Variants in CUX2 observed in about 807,000 individuals in gnomAD.
CUX2 encodes cut like homeobox 2.
A neutral mutation model predicts 144.8 loss-of-function variants in CUX2; 40 were observed. The observed-to-expected ratio is 0.28, with a 90% CI of 0.21 to 0.36. The LOEUF is 0.36. CUX2 is among the 10% of genes least tolerant of loss of function. CUX2 has a pLI of 1.00. For synonymous variants in CUX2, 827 were observed against 875.6 expected (o/e 0.94, Z 0.98); for missense variants, 1,615 against 1,994.0 (o/e 0.81, Z 3.62).
chr12:111,208,206 C>A (rs1020290517), intron 1 of CUX2, among the ~76,000 whole-genome samples: 5 of 151,930 alleles, frequency 3.3e-5, no homozygotes, highest in Admixed American at 1.3e-4. Context: ...CAGCTCCCAA[C>A]AATCACTTTT....
At chr12:111,044,597 C>A (rs1472971410) in intron 1 of CUX2, among the ~76,000 whole-genome samples, 1 of 152,258 alleles carries the variant, frequency 6.6e-6, no homozygotes, top group Non-Finnish European at 1.5e-5. Flanking sequence ...CAGCTCCCCT[C>A]TCCTCACTCT....
chr12:111,129,338 A>G (rs1468634608), intron 1 of CUX2, among the ~76,000 whole-genome samples: 1 of 152,266 alleles, frequency 6.6e-6, no homozygotes, highest in Admixed American at 6.5e-5. Context: ...ACGTAGAGCC[A>G]GAGAGTGCTG....
intron 1 of CUX2, chr12:111,099,534 C>T (rs1352882060): frequency 4.4e-6 from 2 of 456,586 alleles, no homozygotes; most frequent in Admixed American, 4.7e-5. Flanking sequence ...GTGGGGGTGG[C>T]CCCCTATTTG....
chr12:111,124,677 G>T (rs1445214161), intron 1 of CUX2, among the ~76,000 whole-genome samples: 1 of 152,082 alleles, frequency 6.6e-6, no homozygotes, highest in African/African-American at 2.4e-5. Flanking sequence ...GGGGGTACAT[G>T]TGCAGGTTTG....
At chr12:111,183,439 G>A (rs1879318805) in intron 1 of CUX2, among the ~76,000 whole-genome samples, 2 of 152,260 alleles carry the variant, frequency 1.3e-5, no homozygotes, top group African/African-American at 4.8e-5. Flanking sequence ...AAATCTCAGG[G>A]TCTGAGGGGT....
intron 3 of CUX2, among the ~76,000 whole-genome samples, chr12:111,259,806 A>AT (rs1278850082): frequency 1.3e-5 from 2 of 151,894 alleles, no homozygotes; most frequent in Non-Finnish European, 2.9e-5. Context: ...AAAAAAAAAA[A>AT]AAAAAGAAAT....
At chr12:111,256,908 A>G (rs1353466105) in intron 3 of CUX2, among the ~76,000 whole-genome samples, 1 of 152,114 alleles carries the variant, frequency 6.6e-6, no homozygotes, top group Non-Finnish European at 1.5e-5. Context: ...TGGCTCCCAG[A>G]TGTCCCTGCG....
In CUX2 at chr12:111,179,321, C is replaced by T. The variant is rs944575850; in HGVS notation, c.64-34879C>T. Among the ~76,000 whole-genome samples, 61 of 152,166 alleles carry T rather than the reference C, an allele frequency of 4.0e-4. 1 individual carries two copies. Among genetic ancestry groups the T allele is most frequent in the Non-Finnish European group, 5.6e-4 (38 of 68,050 alleles). On this transcript the variant is annotated intron_variant, in intron 1 of 21. Transcript: ENST00000261726. Reference sequence around the variant, plus strand: ...GTAAGATGGGCATAATACCAACACCCGCCGTGGAGGAGTATTACAAAGATA... The same window carrying T: ...GTAAGATGGGCATAATACCAACACCTGCCGTGGAGGAGTATTACAAAGATA...
intron 14 of CUX2, among the ~76,000 whole-genome samples, chr12:111,309,680 C>A (rs537718982): frequency 1.7e-4 from 25 of 151,110 alleles, no homozygotes; most frequent in African/African-American, 5.4e-4. Context: ...TCTCTTCCCC[C>A]CCGACCCTCT....
intron 1 of CUX2, among the ~76,000 whole-genome samples, chr12:111,141,293 A>G (rs920867297): frequency 2.0e-5 from 3 of 151,822 alleles, no homozygotes; most frequent in African/African-American, 7.3e-5. Context: ...TTTGCTCTTC[A>G]AAGGAGACAA....
intron 3 of CUX2, among the ~76,000 whole-genome samples, chr12:111,251,386 C>A (rs2136275363): frequency 6.6e-6 from 1 of 152,252 alleles, no homozygotes; most frequent in African/African-American, 2.4e-5. Context: ...ATATTAGTTG[C>A]CACCGAGCGG....
chr12:111,077,425 C>G lies in CUX2; in HGVS notation c.63+43185C>G, dbSNP rs541489544. 6.6e-6 allele frequency among the ~76,000 whole-genome samples: 1 copy of G among 152,188 alleles called. No homozygotes were observed. The highest frequency in any genetic ancestry group is 2.4e-5 in the African/African-American group (1 of 41,446). ...CCTGAACCCCCTGGACTTCTGCCCCCCTGGACTGATGGCCTAAATCCATCA... is the reference window on the plus strand; with the variant it reads ...CCTGAACCCCCTGGACTTCTGCCCCGCTGGACTGATGGCCTAAATCCATCA... On this transcript the variant is annotated intron_variant, in intron 1 of 21. Coordinates refer to ENST00000261726, the MANE Select transcript of CUX2 (RefSeq NM_015267.4). This position sits in a 1 kb window ranked among gnomAD's most constrained non-coding sequence, Gnocchi z 4.1.
chr12:111,314,780 G>A lies in CUX2; in HGVS notation c.2002+2579G>A, dbSNP rs928922375. Among the ~76,000 whole-genome samples the A allele has an allele frequency of 6.6e-5, 10 of 151,872 alleles. 1 individual carries two copies. The highest frequency in any genetic ancestry group is 2.4e-5 in the African/African-American group (1 of 41,350). On this transcript the variant is annotated intron_variant, in intron 16 of 21. Transcript: ENST00000261726. ...GATCACCTGAGCCCAGGAGGCAGAG[G>A]TTGTAGTGAGCCGAGATCTCATCAC... is the stretch of plus-strand genomic sequence containing the variant.
chr12:111,048,908 G>A (rs1870126762), intron 1 of CUX2, among the ~76,000 whole-genome samples: 1 of 152,106 alleles, frequency 6.6e-6, no homozygotes, highest in Non-Finnish European at 1.5e-5. Flanking sequence ...ATGAGCACCT[G>A]TGGACTGGAA....
intron 1 of CUX2, among the ~76,000 whole-genome samples, chr12:111,183,705 G>C (rs890764066): frequency 6.6e-5 from 10 of 152,186 alleles, no homozygotes; most frequent in Non-Finnish European, 1.5e-4. Flanking sequence ...TCCCTGTCCA[G>C]GTGACTGTGA....
chr12:111,213,746 T>C (rs570077710), intron 1 of CUX2, among the ~76,000 whole-genome samples: 9 of 152,332 alleles, frequency 5.9e-5, no homozygotes, highest in Non-Finnish European at 1.3e-4. Flanking sequence ...TTCCCACCTC[T>C]GATATATGAA....
At position 111,072,889 on chromosome 12, in the gene CUX2, A is replaced by G. The variant is rs575884042; in HGVS notation, c.63+38649A>G. On this transcript the variant is annotated intron_variant, in intron 1 of 21. Transcript: ENST00000261726. ...GCAAATTTTTGATGAATGAAGAAAC[A>G]CATTTGCTGTTATCCTACTCATTCT... is the stretch of plus-strand genomic sequence containing the variant. 3.8e-4 allele frequency among the ~76,000 whole-genome samples: 58 copies of G among 152,360 alleles called. No individual in the cohort carries two copies. The South Asian group carries it at 3.9e-3, about 10-fold the overall frequency.
intron 4 of CUX2, among the ~76,000 whole-genome samples, chr12:111,274,737 C>T (rs1884780497): frequency 6.6e-6 from 1 of 152,212 alleles, no homozygotes; most frequent in Non-Finnish European, 1.5e-5. Flanking sequence ...CCCGCAGGCG[C>T]CCGGAGCCTG....
At position 111,337,385 on chromosome 12, in the gene CUX2, A is replaced by G. The variant is rs530777233; in HGVS notation, c.3197-901A>G. 1.0e-3 allele frequency among the ~76,000 whole-genome samples: 152 copies of G among 151,370 alleles called. 1 individual carries two copies. The South Asian group carries it at 0.014, about 14-fold the overall frequency. ...AAAAAAAAAGAAAAGAAAAATGAACACTATTTTGTGGGCACCCTTCCACCC... is the reference window on the plus strand; with the variant it reads ...AAAAAAAAAGAAAAGAAAAATGAACGCTATTTTGTGGGCACCCTTCCACCC... On this transcript the variant is annotated intron_variant, in intron 19 of 21. Transcript: ENST00000261726.
Sources: gnomAD v4.1 joint callset for allele counts (sites outside exome capture counted in the v4.1 genomes callset) on GRCh38, gnomAD v4.1.1 for gene constraint, Gnocchi (gnomAD v3.1) non-coding constraint, MANE v1.5 for transcripts, NCBI Gene and HGNC (gene_info 2026-07-23, HGNC 2026-07-21) for gene names.